Variants in POMT2 observed in about 807,000 individuals in gnomAD.
POMT2 encodes protein O-mannosyl-transferase 2.
A neutral mutation model predicts 100.0 loss-of-function variants in POMT2; 75 were observed. That is an observed-to-expected ratio of 0.75 (90% CI 0.62 to 0.91). POMT2 has a LOEUF of 0.91. Ranked by LOEUF, POMT2 falls within the 40% of genes least tolerant of loss-of-function variation. POMT2 has a pLI of 0.00. For synonymous variants in POMT2, 378 were observed against 374.1 expected, an observed-to-expected ratio of 1.01 and a Z score of -0.12; for missense variants, 940 against 955.1, an observed-to-expected ratio of 0.98 and a Z score of 0.21.
Position 77,302,816 on chromosome 14 carries a change from C to G in POMT2, c.656+19G>C. The G allele has an allele frequency of 6.3e-7, 1 of 1,590,602 alleles. No homozygotes were observed. Among genetic ancestry groups the G allele is most frequent in the Non-Finnish European group, 8.6e-7 (1 of 1,159,702 alleles). ...GCCACAGCTTCCAACCCTCCCCTCC[C>G]GGGGATGGAGTTTCTGACCTGTCGG... On this transcript the variant is annotated intron_variant, in intron 5 of 20. Transcript: ENST00000261534.
intron 6 of POMT2, chr14:77,300,642 G>A: frequency 4.7e-6 from 1 of 213,312 alleles, no homozygotes; most frequent in Non-Finnish European, 9.5e-6. Context: ...CAACATGGTA[G>A]AACCGCATCT....
chr14:77,288,647 G>T, intron 11 of POMT2, 115 bp downstream of exon 11: 2 of 865,846 alleles, frequency 2.3e-6, no homozygotes, highest in Non-Finnish European at 3.8e-6. Flanking sequence ...TCGCACTGTG[G>T]CCTTGCTCCA....
intron 1 of POMT2, among the ~76,000 whole-genome samples, chr14:77,316,068 C>T (rs773882125): frequency 4.9e-4 from 74 of 152,260 alleles, no homozygotes; most frequent in Middle Eastern, 3.4e-3. Flanking sequence ...GAGAGCCATG[C>T]ACCAGAATCA....
At chr14:77,280,594 G>A in intron 15 of POMT2, 131 bp from the exon 16 acceptor site, 1 of 1,538,878 alleles carries the variant, frequency 6.5e-7, no homozygotes, top group Non-Finnish European at 8.8e-7. Context: ...TCCCTTGCAG[G>A]GAAGAATCAG....
At chr14:77,286,136 G>C (rs758069021) in intron 12 of POMT2, among the ~76,000 whole-genome samples, 33 of 152,188 alleles carry the variant, frequency 2.2e-4, no homozygotes, top group Non-Finnish European at 4.1e-4. Flanking sequence ...TCACAGTCTT[G>C]ACCTAGCACA....
chr14:77,291,526 G>A (rs1391998812), intron 9 of POMT2, 146 bp from the exon 10 acceptor site: 6 of 1,091,474 alleles, frequency 5.5e-6, no homozygotes, highest in Non-Finnish European at 8.0e-6. Flanking sequence ...GAGGGGCCAT[G>A]TTTCCCAATG....
intron 2 of POMT2, among the ~76,000 whole-genome samples, chr14:77,309,722 G>A (rs1172279751): frequency 4.6e-5 from 7 of 151,820 alleles, no homozygotes; most frequent in African/African-American, 1.5e-4. Flanking sequence ...TTGCTCAGTC[G>A]CCCAGGCTGG....
At chr14:77,284,692 C>T (rs1890355345) in intron 14 of POMT2, among the ~76,000 whole-genome samples, 1 of 151,988 alleles carries the variant, frequency 6.6e-6, no homozygotes, top group Non-Finnish European at 1.5e-5. Flanking sequence ...GAGAGAGGAG[C>T]CCAGAGGAAG....
In POMT2 at chr14:77,275,478, A is replaced by G. The variant is rs1889903692; in HGVS notation, c.*1898T>C. ...ACTGAGAAATAAGAAGGCACAAAGG[A>G]AAATCAGCCACCTCCTGGAGGTCAC... On this transcript the variant is annotated 3_prime_UTR_variant, in exon 21 of 21. Transcript: ENST00000261534. The G allele has an allele frequency of 6.6e-6, 1 of 152,294 alleles. No homozygotes were observed. The highest frequency in any genetic ancestry group is 2.4e-5 in the African/African-American group (1 of 41,442). 9.4% of individuals were successfully genotyped at this position (152,294 alleles called of 1,614,324 possible). A position where few individuals can be genotyped will look rare whatever the true frequency, so the allele number is the denominator to read the frequency against.
chr14:77,314,830 CTT>C (rs1891571736), intron 1 of POMT2, among the ~76,000 whole-genome samples: 1 of 152,180 alleles, frequency 6.6e-6, no homozygotes, highest in African/African-American at 2.4e-5. Flanking sequence ...TAAGATAGAA[CTT>C]TGAGTAAAAT....
chr14:77,310,183 G>GT (rs1304282461), intron 2 of POMT2, among the ~76,000 whole-genome samples: 1 of 152,240 alleles, frequency 6.6e-6, no homozygotes, highest in Non-Finnish European at 1.5e-5. Flanking sequence ...TTCTATGGTA[G>GT]TAACAGATGT....
At chr14:77,306,246 C>T in intron 3 of POMT2, 91 bp downstream of exon 3, 1 of 1,571,738 alleles carries the variant, frequency 6.4e-7, no homozygotes, top group Non-Finnish European at 8.7e-7. Context: ...TTATTTGCAC[C>T]TGCCACCACG....
At chr14:77,314,566 G>A (rs887479286) in intron 1 of POMT2, among the ~76,000 whole-genome samples, 1 of 152,210 alleles carries the variant, frequency 6.6e-6, no homozygotes, top group Non-Finnish European at 1.5e-5. Flanking sequence ...GAAAGAATGA[G>A]GGCCTCCATG....
At chr14:77,296,570 G>T in intron 8 of POMT2, 1 of 421,972 alleles carries the variant, frequency 2.4e-6, no homozygotes, top group Non-Finnish European at 4.4e-6. Flanking sequence ...TCCTTCTCAA[G>T]GTCTCCACAT....
At chr14:77,306,688 A>G (rs1324046030) in intron 2 of POMT2, 2 of 418,584 alleles carry the variant, frequency 4.8e-6, no homozygotes, top group African/African-American at 2.1e-5. Flanking sequence ...AGCACAACCT[A>G]AACACTCAGG....
chr14:77,304,817 GA>G lies in POMT2; in HGVS notation c.439-18del, dbSNP rs1211609679. ...TGCACAGAACTGTGGGAGGAATAGA[GA>G]AGCTGTCAAATAACAAGCTGAGCTA... On this transcript the variant is annotated intron_variant, in intron 3 of 20. Transcript: ENST00000261534. 6.4e-7 allele frequency: 1 copy of G among 1,570,596 alleles called. No individual in the cohort carries two copies. The highest frequency in any genetic ancestry group is 1.9e-5 in the Admixed American group (1 of 52,412).
intron 9 of POMT2, among the ~76,000 whole-genome samples, chr14:77,293,331 A>G (rs1890709236): frequency 6.6e-6 from 1 of 152,178 alleles, no homozygotes. Flanking sequence ...TCCTACAAGA[A>G]AAATTATTTA....
chr14:77,292,625 A>G (rs541788820), intron 9 of POMT2, among the ~76,000 whole-genome samples: 30 of 152,348 alleles, frequency 2.0e-4, no homozygotes, highest in African/African-American at 6.5e-4. Context: ...ATAAAATATG[A>G]CCAATTTATA....
At chr14:77,310,442 T>C (rs1359353048) in intron 2 of POMT2, among the ~76,000 whole-genome samples, 2 of 152,200 alleles carry the variant, frequency 1.3e-5, no homozygotes, top group Non-Finnish European at 2.9e-5. Flanking sequence ...ATGTTTTTAA[T>C]TGTTCTTGTT....
Sources: allele counts gnomAD v4.1 joint callset (sites outside exome capture counted in the v4.1 genomes callset), GRCh38; gene constraint gnomAD v4.1.1; transcripts MANE v1.5; gene names NCBI Gene and HGNC (gene_info 2026-07-23, HGNC 2026-07-21).